AUTS2: variants seen among roughly 807,000 people sequenced by gnomAD.
AUTS2 encodes the protein activator of transcription and developmental regulator AUTS2, also known as autism susceptibility gene 2 protein.
AUTS2 carries 17 observed loss-of-function variants against 112.4 expected under a neutral mutation model. That is an observed-to-expected ratio of 0.15 (90% CI 0.10 to 0.23). The LOEUF (loss-of-function observed/expected upper bound fraction) is 0.23. AUTS2 is among the 10% of genes least tolerant of loss of function. AUTS2 has a pLI of 1.00. For missense variants in AUTS2, 1,510 were observed against 1,701.6 expected (o/e 0.89, Z 1.98); for synonymous variants, 751 against 702.7 (o/e 1.07, Z -1.09).
At chr7:69,645,946 G>A (rs1231169891) in intron 1 of AUTS2, among the ~76,000 whole-genome samples, 2 of 151,976 alleles carry the variant, frequency 1.3e-5, no homozygotes, top group Non-Finnish European at 2.9e-5. Context: ...TGGCCTGGGG[G>A]TGTCAGCTGA....
At chr7:69,888,569 A>ATATATATATATATG in intron 1 of AUTS2, among the ~76,000 whole-genome samples, 1 of 141,548 alleles carries the variant, frequency 7.1e-6, no homozygotes, top group Non-Finnish European at 1.5e-5. Flanking sequence ...ATATATATAT[A>ATATATATATATATG]TATGTATGGT....
chr7:70,620,097 G>T (rs541589700), intron 5 of AUTS2, among the ~76,000 whole-genome samples: 1 of 152,214 alleles, frequency 6.6e-6, no homozygotes, highest in African/African-American at 2.4e-5. Flanking sequence ...TAACCTGGGA[G>T]TGCTGCGGGC....
chr7:69,719,639 T>C (rs901410070), intron 1 of AUTS2, among the ~76,000 whole-genome samples: 1 of 152,222 alleles, frequency 6.6e-6, no homozygotes, highest in African/African-American at 2.4e-5. Flanking sequence ...TTTGCCTTAG[T>C]GTAAGACAAG....
intron 2 of AUTS2, among the ~76,000 whole-genome samples, chr7:70,111,730 A>G (rs913911819): frequency 6.6e-6 from 1 of 152,142 alleles, no homozygotes; most frequent in Non-Finnish European, 1.5e-5. Context: ...TTAGCTTTCC[A>G]TATTTTTTCA....
At chr7:69,986,910 A>G (rs987590080) in intron 2 of AUTS2, among the ~76,000 whole-genome samples, 1 of 152,180 alleles carries the variant, frequency 6.6e-6, no homozygotes, top group Non-Finnish European at 1.5e-5. Flanking sequence ...AAATTATTTT[A>G]TATTTAATGA....
At chr7:70,625,625 A>G (rs1330126397) in intron 5 of AUTS2, among the ~76,000 whole-genome samples, 1 of 152,190 alleles carries the variant, frequency 6.6e-6, no homozygotes, top group Non-Finnish European at 1.5e-5. Context: ...AACACCTGCC[A>G]AGCATTGTTG....
intron 2 of AUTS2, among the ~76,000 whole-genome samples, chr7:70,004,715 GA>G (rs941625749): frequency 8.7e-4 from 131 of 151,098 alleles, no homozygotes; most frequent in African/African-American, 3.1e-3. Context: ...TGAGCTGGGG[GA>G]AAAAAAATTA....
At chr7:70,612,370 G>C (rs1316556150) in intron 5 of AUTS2, among the ~76,000 whole-genome samples, 1 of 152,206 alleles carries the variant, frequency 6.6e-6, no homozygotes, top group African/African-American at 2.4e-5. Flanking sequence ...GACATCGTCA[G>C]CTGTGGTTGC....
At chr7:69,675,853 A>G (rs1177900356) in intron 1 of AUTS2, among the ~76,000 whole-genome samples, 1 of 152,114 alleles carries the variant, frequency 6.6e-6, no homozygotes, top group African/African-American at 2.4e-5. Context: ...TGATGTGTGT[A>G]CTTGTATGTA....
At chr7:70,329,594 GT>G (rs1319679586) in intron 4 of AUTS2, among the ~76,000 whole-genome samples, 1 of 149,478 alleles carries the variant, frequency 6.7e-6, no homozygotes, top group Admixed American at 6.7e-5. Context: ...GTCTACTCAG[GT>G]TTTTTGCTCA....
In AUTS2 at chr7:70,310,421, T is replaced by C. The variant is rs1789689218; in HGVS notation, c.661-125331T>C. Among the ~76,000 whole-genome samples the C allele has an allele frequency of 4.6e-5, 7 of 152,196 alleles. No homozygotes were observed. The South Asian group carries it at 1.5e-3, about 32-fold the overall frequency. ...GTCAGGAAATCGCGACCATCCTGGC[T>C]AACATGGTGAAACCCCGTCTCTACT... On this transcript the variant is annotated intron_variant, in intron 4 of 18. Coordinates refer to ENST00000342771, the MANE Select transcript of AUTS2 (RefSeq NM_015570.4).
At chr7:69,783,049 A>G (rs924221562) in intron 1 of AUTS2, among the ~76,000 whole-genome samples, 6 of 150,584 alleles carry the variant, frequency 4.0e-5, no homozygotes, top group South Asian at 2.1e-4. Context: ...CATGTGTGCA[A>G]GGTAATCCCT....
intron 5 of AUTS2, among the ~76,000 whole-genome samples, chr7:70,653,533 G>A (rs1806617292): frequency 6.6e-6 from 1 of 152,118 alleles, no homozygotes; most frequent in African/African-American, 2.4e-5. Context: ...AGCTCTTTTT[G>A]ATACTGCTTT....
At chr7:69,683,371 T>G (rs1313938852) in intron 1 of AUTS2, among the ~76,000 whole-genome samples, 1 of 152,198 alleles carries the variant, frequency 6.6e-6, no homozygotes, top group Admixed American at 6.5e-5. Context: ...CATTTGCATA[T>G]CAATGCTTGC....
chr7:70,147,221 TA>T lies in AUTS2; in HGVS notation c.660+12663del, dbSNP rs894476526. Among the ~76,000 whole-genome samples the T allele has an allele frequency of 3.0e-3, 424 of 141,198 alleles. 1 individual carries two copies. Among genetic ancestry groups the T allele is most frequent in the East Asian group, 0.02 (99 of 4,916 alleles). 92.6% of individuals were successfully genotyped at this position (141,198 alleles called of 152,430 possible). On this transcript the variant is annotated intron_variant, in intron 4 of 18. Transcript: ENST00000342771. Reference sequence around the variant, plus strand: ...GTACTCCCATCTAGGCAATATCTCTTAAAAAAAAAAAAAGTAAAATCATGAC... The same window carrying T: ...GTACTCCCATCTAGGCAATATCTCTTAAAAAAAAAAAAGTAAAATCATGAC...
chr7:70,271,906 A>G (rs1279663666), intron 4 of AUTS2, among the ~76,000 whole-genome samples: 7 of 152,180 alleles, frequency 4.6e-5, no homozygotes, highest in African/African-American at 1.4e-4. Context: ...CCCAGGTTCA[A>G]TGTAATTTCA....
intron 5 of AUTS2, among the ~76,000 whole-genome samples, chr7:70,474,027 C>G (rs1232821647): frequency 6.6e-6 from 1 of 152,122 alleles, no homozygotes; most frequent in African/African-American, 2.4e-5. Context: ...AACTCTTTTG[C>G]CCGTAGACTC....
chr7:69,832,345 A>G (rs1791540038), intron 1 of AUTS2, among the ~76,000 whole-genome samples: 1 of 152,160 alleles, frequency 6.6e-6, no homozygotes, highest in Non-Finnish European at 1.5e-5. Context: ...CCACTGATGT[A>G]CCTATAGGGA....
chr7:70,338,833 C>CTTTCT (rs71077651), intron 4 of AUTS2, among the ~76,000 whole-genome samples: 2 of 141,012 alleles, frequency 1.4e-5, no homozygotes, highest in Admixed American at 7.2e-5. Flanking sequence ...AGCCTCATCT[C>CTTTCT]TTATTTATTT....
Sources: allele counts gnomAD v4.1 joint callset (sites outside exome capture counted in the v4.1 genomes callset), GRCh38; gene constraint gnomAD v4.1.1; transcripts MANE v1.5; gene names NCBI Gene and HGNC (gene_info 2026-07-23, HGNC 2026-07-21).